WWOX: variants seen among roughly 807,000 people sequenced by gnomAD.
WWOX encodes WW domain-containing oxidoreductase.
Under a neutral mutation model 46.2 loss-of-function variants are expected in WWOX, and 69 were observed. That is an observed-to-expected ratio of 1.49 (90% CI 1.23 to 1.82). The LOEUF (loss-of-function observed/expected upper bound fraction) is 1.82. WWOX is among the 40% of genes most tolerant of loss of function. The pLI is 0.00. For missense variants in WWOX, 919 were observed against 542.6 expected (o/e 1.69, Z -6.89); for synonymous variants, 359 against 202.6 (o/e 1.77, Z -6.56).
At chr16:78,615,439 C>G (rs1293571607) in intron 8 of WWOX, among the ~76,000 whole-genome samples, 1 of 152,134 alleles carries the variant, frequency 6.6e-6, no homozygotes, top group African/African-American at 2.4e-5. Context: ...TCCTGAAGCC[C>G]AGAATTCAAG....
chr16:78,249,546 G>A (rs944373392), intron 5 of WWOX, among the ~76,000 whole-genome samples: 20 of 152,344 alleles, frequency 1.3e-4, no homozygotes, highest in African/African-American at 4.8e-4. Flanking sequence ...GGAGCAGCCT[G>A]GGCTGAGTTT....
At chr16:78,575,396 C>T (rs974430699) in intron 8 of WWOX, among the ~76,000 whole-genome samples, 2 of 151,610 alleles carry the variant, frequency 1.3e-5, no homozygotes, top group African/African-American at 2.4e-5. Context: ...TTGTCTGATG[C>T]GATGAGGATG....
chr16:79,044,262 T>C (rs1327322769), intron 8 of WWOX, among the ~76,000 whole-genome samples: 1 of 152,184 alleles, frequency 6.6e-6, no homozygotes, highest in Admixed American at 6.5e-5. Context: ...GTTGAAAGTA[T>C]TGAAGTTCCA....
rs1446950676 is a variant in WWOX, at chr16:79,125,739, G to A, written c.1057-85869G>A. Among the ~76,000 whole-genome samples the A allele has an allele frequency of 3.3e-5, 5 of 152,300 alleles. No homozygotes were observed. In the East Asian group the frequency reaches 9.6e-4, roughly 29 times the overall value. ...CTGATCTGGAGGAACATAGCTTTGG[G>A]GCAGTGCCAGGATTTAATATGGGTT... On this transcript the variant is annotated intron_variant, in intron 8 of 8. Coordinates refer to ENST00000566780, the MANE Select transcript of WWOX (RefSeq NM_016373.4).
intron 5 of WWOX, among the ~76,000 whole-genome samples, chr16:78,364,227 T>A (rs1444189669): frequency 6.6e-6 from 1 of 152,208 alleles, no homozygotes; most frequent in Non-Finnish European, 1.5e-5. Context: ...TCTGGTATAT[T>A]TTCTTACCTG....
intron 8 of WWOX, among the ~76,000 whole-genome samples, chr16:78,987,913 A>G (rs2046812567): frequency 6.6e-6 from 1 of 152,142 alleles, no homozygotes; most frequent in Non-Finnish European, 1.5e-5. Flanking sequence ...AGGTCTCGTC[A>G]TGTCCCTTCT....
chr16:79,030,721 G>C (rs1382262105), intron 8 of WWOX, among the ~76,000 whole-genome samples: 2 of 152,010 alleles, frequency 1.3e-5, no homozygotes, highest in Non-Finnish European at 2.9e-5. Context: ...TCTACCCTCC[G>C]GTTGTTTGTG....
At chr16:78,991,097 G>T (rs1270461038) in intron 8 of WWOX, among the ~76,000 whole-genome samples, 1 of 152,210 alleles carries the variant, frequency 6.6e-6, no homozygotes, top group African/African-American at 2.4e-5. Context: ...TCCCAAAGAA[G>T]AGTTGTGGAG....
intron 8 of WWOX, among the ~76,000 whole-genome samples, chr16:78,600,151 T>C (rs920815177): frequency 6.6e-5 from 10 of 152,094 alleles, no homozygotes; most frequent in African/African-American, 2.2e-4. Flanking sequence ...ACTTGTTCAC[T>C]ATCACGAGTA....
At chr16:78,715,088 C>G (rs1231645082) in intron 8 of WWOX, among the ~76,000 whole-genome samples, 1 of 151,982 alleles carries the variant, frequency 6.6e-6, no homozygotes, top group Non-Finnish European at 1.5e-5. Flanking sequence ...TGAGACCAAC[C>G]TGGGCCACAT....
intron 4 of WWOX, among the ~76,000 whole-genome samples, chr16:78,144,438 TATATATATACAC>T (rs1199235411): frequency 2.4e-4 from 4 of 16,718 alleles, no homozygotes; most frequent in Middle Eastern, 0.015. Context: ...ACTATATATA[TATATATATACAC>T]ATATATATAT....
At chr16:78,446,329 T>C (rs916880844) in intron 8 of WWOX, among the ~76,000 whole-genome samples, 1 of 152,142 alleles carries the variant, frequency 6.6e-6, no homozygotes, top group Non-Finnish European at 1.5e-5. Flanking sequence ...AAGGTCGAAT[T>C]TTGCCACTTA....
At chr16:79,086,289 G>T (rs577309900) in intron 8 of WWOX, among the ~76,000 whole-genome samples, 1 of 152,230 alleles carries the variant, frequency 6.6e-6, no homozygotes, top group South Asian at 2.1e-4. Flanking sequence ...TTAAGTTCTA[G>T]TTTCTTATTA....
chr16:78,298,027 C>T (rs745985339), intron 5 of WWOX, among the ~76,000 whole-genome samples: 7 of 152,106 alleles, frequency 4.6e-5, no homozygotes, highest in South Asian at 2.1e-4. Context: ...TGGTTTTGTG[C>T]GGGGCTTTTC....
intron 8 of WWOX, among the ~76,000 whole-genome samples, chr16:78,740,019 C>T (rs989797758): frequency 2.0e-4 from 30 of 152,066 alleles, no homozygotes; most frequent in African/African-American, 6.8e-4. Context: ...CTGTGGTGTG[C>T]CTCCTGCTGT....
intron 6 of WWOX, among the ~76,000 whole-genome samples, chr16:78,407,576 C>T (rs1246169368): frequency 1.3e-5 from 2 of 152,134 alleles, no homozygotes; most frequent in Non-Finnish European, 2.9e-5. Flanking sequence ...CTTTAAAGCA[C>T]CTTTCTCATC....
intron 8 of WWOX, among the ~76,000 whole-genome samples, chr16:78,927,403 T>G (rs982246808): frequency 7.2e-5 from 11 of 152,222 alleles, no homozygotes; most frequent in African/African-American, 2.2e-4. Flanking sequence ...ACTGTTCTTA[T>G]GTCTGTTATT....
chr16:78,473,516 G>T (rs1179529522), intron 8 of WWOX, among the ~76,000 whole-genome samples: 2 of 152,164 alleles, frequency 1.3e-5, no homozygotes, highest in African/African-American at 4.8e-5. Flanking sequence ...TTGACCGACT[G>T]GCCCTCTCAG....
chr16:78,283,945 A>T (rs2079726485), intron 5 of WWOX, among the ~76,000 whole-genome samples: 1 of 152,140 alleles, frequency 6.6e-6, no homozygotes, highest in South Asian at 2.1e-4. Context: ...CATTAATCTC[A>T]CCTCTGAAGG....
Sources: gnomAD v4.1 joint callset for allele counts (sites outside exome capture counted in the v4.1 genomes callset) on GRCh38, gnomAD v4.1.1 for gene constraint, MANE v1.5 for transcripts, NCBI Gene and HGNC (gene_info 2026-07-23, HGNC 2026-07-21) for gene names.